The following MMAB variants were observed in gnomAD, a reference collection of about 807,000 sequenced individuals.
MMAB encodes the protein metabolism of cobalamin associated B.
A neutral mutation model predicts 30.6 loss-of-function variants in MMAB; 17 were observed. The observed-to-expected ratio is 0.56, with a 90% CI of 0.38 to 0.83. The LOEUF is 0.83. MMAB is among the 40% of genes least tolerant of loss of function. MMAB has a pLI of 0.00. For missense variants in MMAB, 311 were observed against 331.6 expected, an observed-to-expected ratio of 0.94 and a Z score of 0.48; for synonymous variants, 134 against 138.6, an observed-to-expected ratio of 0.97 and a Z score of 0.23.
chr12:109,564,328 C>T (rs7970557), intron 4 of MMAB, among the ~76,000 whole-genome samples: 25,949 of 151,388 alleles, frequency 0.17, 2,307 homozygotes, highest in African/African-American at 0.19. Context: ...CCTCCCCACT[C>T]GCCTGTGAAG....
chr12:109,560,300 G>A (rs914636591), intron 7 of MMAB, among the ~76,000 whole-genome samples: 2 of 152,168 alleles, frequency 1.3e-5, no homozygotes, highest in African/African-American at 4.8e-5. Flanking sequence ...TGACCATGGT[G>A]TCATTTCTCT....
chr12:109,564,174 C>T lies in MMAB; in HGVS notation c.348+945G>A, dbSNP rs575722527. Among the ~76,000 whole-genome samples the T allele has an allele frequency of 2.6e-5, 4 of 152,324 alleles. No individual in the cohort carries two copies. The East Asian group carries it at 7.7e-4, about 29-fold the overall frequency. On this transcript the variant is annotated intron_variant, in intron 4 of 8. Transcript: ENST00000545712. ...TTGACGGGGGCTGTCCCCTGCATTGCAGGATATTTACATGCCAGCAACACC... is the reference window on the plus strand; with the variant it reads ...TTGACGGGGGCTGTCCCCTGCATTGTAGGATATTTACATGCCAGCAACACC...
chr12:109,571,805 C>T, intron 1 of MMAB, 95 bp from the exon 2 acceptor site: 1 of 997,996 alleles, frequency 1.0e-6, no homozygotes, highest in East Asian at 2.4e-5. Context: ...CTTGTAACCT[C>T]AGAGGCAGCA....
At chr12:109,564,719 C>T in intron 4 of MMAB, 1 of 314,690 alleles carries the variant, frequency 3.2e-6, no homozygotes, top group Non-Finnish European at 6.2e-6. Context: ...CAATCTCTTG[C>T]CCAGGCAGGA....
At position 109,555,278 on chromosome 12, in the gene MMAB, T is replaced by TTTTTTTTTTGTTTG. The variant is rs1566128230; in HGVS notation, c.*1749_*1750insCAAACAAAAAAAAA. On this transcript the variant is annotated 3_prime_UTR_variant, in exon 9 of 9. Coordinates refer to ENST00000545712, the MANE Select transcript of MMAB (RefSeq NM_052845.4). ...CCTTAGTGATTGCGTTTTCAGGGTT[T>TTTTTTTTTTGTTTG]TTTTTTTTTTTTTTTTTTTTTTGTG... 5.3e-6 allele frequency: 1 copy of TTTTTTTTTTGTTTG among 189,748 alleles called. No individual in the cohort carries two copies. Among genetic ancestry groups the TTTTTTTTTTGTTTG allele is most frequent in the African/African-American group, 5.9e-5 (1 of 16,834 alleles). 11.8% of individuals were successfully genotyped at this position (189,748 alleles called of 1,614,324 possible).
chr12:109,568,558 C>T, intron 3 of MMAB: 3 of 629,524 alleles, frequency 4.8e-6, no homozygotes, highest in Admixed American at 2.5e-5. Context: ...GGCCAGAGGC[C>T]AGCGCAGGCA....
rs552057750 is a variant in MMAB, at chr12:109,553,855, G to C, written c.*3173C>G. Reference sequence around the variant, plus strand: ...ACTGAATGGGCTGTCGGAAGGTGTCGAGGCAGCAGCAAGGGTGACATTGCC... The same window carrying C: ...ACTGAATGGGCTGTCGGAAGGTGTCCAGGCAGCAGCAAGGGTGACATTGCC... On this transcript the variant is annotated 3_prime_UTR_variant, in exon 9 of 9. Coordinates refer to ENST00000545712, the MANE Select transcript of MMAB (RefSeq NM_052845.4). 6.6e-6 allele frequency: 3 copies of C among 453,970 alleles called. No individual in the cohort carries two copies. The highest frequency in any genetic ancestry group is 1.4e-4 in the East Asian group (2 of 14,414). The allele number at this position is 453,970 out of a possible 1,614,324, so 28.1% of individuals were successfully genotyped here. A position where few individuals can be genotyped will look rare whatever the true frequency, so the allele number is the denominator to read the frequency against.
At position 109,568,683 on chromosome 12, in the gene MMAB, G is replaced by A; in HGVS notation, c.290+87C>T. ...AGGGCTGACAACCTCCGAGGCTGCT[G>A]CCCAGCATGCGTGAGAGCTTCACAT... On this transcript the variant is annotated intron_variant, in intron 3 of 8. Transcript: ENST00000545712. 4 of 1,053,582 alleles carry A rather than the reference G, an allele frequency of 3.8e-6. No individual in the cohort carries two copies. The Admixed American group carries it at 5.1e-5, about 13-fold the overall frequency. 65.3% of individuals were successfully genotyped at this position (1,053,582 alleles called of 1,614,324 possible).
intron 3 of MMAB, 169 bp downstream of exon 3, chr12:109,568,601 C>A (rs1012821810): frequency 1.6e-5 from 11 of 698,676 alleles, no homozygotes; most frequent in South Asian, 1.2e-4. Context: ...GAGTCTGCAG[C>A]CCCACAGCCT....
intron 3 of MMAB, among the ~76,000 whole-genome samples, chr12:109,565,986 G>A (rs1041126845): frequency 1.3e-5 from 2 of 152,236 alleles, no homozygotes; most frequent in African/African-American, 2.4e-5. Flanking sequence ...AGGGCTTTGG[G>A]AAGGGACAAT....
At position 109,556,399 on chromosome 12, in the gene MMAB, C is replaced by T; in HGVS notation, c.*629G>A. On this transcript the variant is annotated 3_prime_UTR_variant, in exon 9 of 9. Transcript: ENST00000545712. Reference sequence around the variant, plus strand: ...GGTCCTCTAAGCTGCACCCCCATCACACACACTTCAATCTAAGCCAGGAGT... The same window carrying T: ...GGTCCTCTAAGCTGCACCCCCATCATACACACTTCAATCTAAGCCAGGAGT... The T allele has an allele frequency of 2.2e-6, 1 of 454,082 alleles. No homozygotes were observed. Among genetic ancestry groups the T allele is most frequent in the South Asian group, 1.6e-5 (1 of 64,468 alleles). The allele number at this position is 454,082 out of a possible 1,614,324, so 28.1% of individuals were successfully genotyped here.
chr12:109,568,693 C>G, intron 3 of MMAB, 77 bp downstream of exon 3: 2 of 1,133,628 alleles, frequency 1.8e-6, no homozygotes, highest in Admixed American at 1.7e-5. Context: ...GCCCAGCATG[C>G]GTGAGAGCTT....
In MMAB at chr12:109,556,939, C is replaced by G. The variant is rs768105295; in HGVS notation, c.*89G>C. ...TGCTTTGAGCCTCTCTGGGTGAGCT[C>G]TTCAGGAACCAGGACCCCAGAAGGG... On this transcript the variant is annotated 3_prime_UTR_variant, in exon 9 of 9. Coordinates refer to ENST00000545712, the MANE Select transcript of MMAB (RefSeq NM_052845.4). 1 of 875,628 alleles carries G rather than the reference C, an allele frequency of 1.1e-6. No individual in the cohort carries two copies. The highest frequency in any genetic ancestry group is 1.3e-5 in the South Asian group (1 of 74,304). 54.2% of individuals were successfully genotyped at this position (875,628 alleles called of 1,614,324 possible). A position where few individuals can be genotyped will look rare whatever the true frequency, so the allele number is the denominator to read the frequency against.
chr12:109,571,913 G>A (rs1360858901), intron 1 of MMAB, among the ~76,000 whole-genome samples: 1 of 152,242 alleles, frequency 6.6e-6, no homozygotes, highest in East Asian at 1.9e-4. Context: ...AGAGCTGGAT[G>A]ACAGAGTGTG....
chr12:109,565,201 T>C (rs539750490), intron 3 of MMAB, 25 bp from the exon 4 acceptor site: 1 of 1,591,136 alleles, frequency 6.3e-7, no homozygotes, highest in South Asian at 1.1e-5. Flanking sequence ...GAAAAAGAAT[T>C]TGCCTGTAAT....
chr12:109,561,717 T>A lies in MMAB; in HGVS notation c.421+63A>T, dbSNP rs767997939. 6.8e-7 allele frequency: 1 copy of A among 1,464,750 alleles called. No individual in the cohort carries two copies. 90.7% of individuals were successfully genotyped at this position (1,464,750 alleles called of 1,614,324 possible). On this transcript the variant is annotated intron_variant, in intron 5 of 8. Transcript: ENST00000545712. The surrounding 1 kb of genome is among the most constrained non-coding windows in gnomAD (Gnocchi z 5.3). ...CCTGGGGGCCTGGGATCCCAGATGG[T>A]GACCCTAGGAGAGTCCCCTGACCCT...
Position 109,568,881 on chromosome 12 carries a change from T to C in MMAB, c.197-18A>G. On this transcript the variant is annotated intron_variant, in intron 2 of 8. Transcript: ENST00000545712. Reference sequence around the variant, plus strand: ...AGAAAACCCTGTGGAAAAAAATGTTTAGCCACCCAAATTAAGATTCTGTTT... The same window carrying C: ...AGAAAACCCTGTGGAAAAAAATGTTCAGCCACCCAAATTAAGATTCTGTTT... 6.4e-7 allele frequency: 1 copy of C among 1,570,662 alleles called. No individual in the cohort carries two copies. The highest frequency in any genetic ancestry group is 1.1e-5 in the South Asian group (1 of 90,254).
At position 109,558,285 on chromosome 12, in the gene MMAB, C is replaced by T. The variant is rs1222737093; in HGVS notation, c.644+811G>A. 6.6e-6 allele frequency among the ~76,000 whole-genome samples: 1 copy of T among 152,154 alleles called. No individual in the cohort carries two copies. The highest frequency in any genetic ancestry group is 1.5e-5 in the Non-Finnish European group (1 of 68,020). Reference sequence around the variant, plus strand: ...GCAATGCTATGGGACCGCAGGGTTGCTGCTTTGAAGGTGAAGTAGACCTGC... The same window carrying T: ...GCAATGCTATGGGACCGCAGGGTTGTTGCTTTGAAGGTGAAGTAGACCTGC... On this transcript the variant is annotated intron_variant, in intron 8 of 8. Coordinates refer to ENST00000545712, the MANE Select transcript of MMAB (RefSeq NM_052845.4). This position sits in a 1 kb window ranked among gnomAD's most constrained non-coding sequence, Gnocchi z 4.3.
At position 109,572,600 on chromosome 12, in the gene MMAB, G is replaced by A. The variant is rs534004064; in HGVS notation, c.134+747C>T. Among the ~76,000 whole-genome samples the A allele has an allele frequency of 3.3e-5, 5 of 151,902 alleles. No individual in the cohort carries two copies. In the South Asian group the frequency reaches 1.0e-3, roughly 32 times the overall value. On this transcript the variant is annotated intron_variant, in intron 1 of 8. Transcript: ENST00000545712. ...GGGTCTTGCTCTGTTGCCTAAGCTG[G>A]AATGCAGTGCAGTGGCATGATCATA...
Sources: gnomAD v4.1 joint callset for allele counts (sites outside exome capture counted in the v4.1 genomes callset) on GRCh38, gnomAD v4.1.1 for gene constraint, Gnocchi (gnomAD v3.1) non-coding constraint, MANE v1.5 for transcripts, NCBI Gene and HGNC (gene_info 2026-07-23, HGNC 2026-07-21) for gene names.